Variants in DENND4A observed in about 807,000 individuals in gnomAD.
DENND4A encodes C-myc promoter-binding protein.
A neutral mutation model predicts 199.3 loss-of-function variants in DENND4A; 70 were observed. The ratio of observed to expected loss-of-function variants is 0.35; its 90% CI spans 0.29 to 0.43. The LOEUF (loss-of-function observed/expected upper bound fraction) is 0.43. Ranked by LOEUF, DENND4A falls within the 20% of genes least tolerant of loss-of-function variation. DENND4A has a pLI of 1.00. For missense variants in DENND4A, 1,723 were observed against 2,255.8 expected, an observed-to-expected ratio of 0.76 and a Z score of 4.78; for synonymous variants, 686 against 766.9, an observed-to-expected ratio of 0.89 and a Z score of 1.74.
At chr15:65,706,032 C>T (rs947935757) in intron 15 of DENND4A, 59 bp downstream of exon 15, 9 of 1,426,476 alleles carry the variant, frequency 6.3e-6, no homozygotes, top group Admixed American at 5.2e-5. Context: ...TAGAAAGCTA[C>T]GTCACAGATG....
chr15:65,733,666 AAG>A (rs1296305488), intron 7 of DENND4A, among the ~76,000 whole-genome samples: 2 of 152,226 alleles, frequency 1.3e-5, no homozygotes, highest in Admixed American at 1.3e-4. Flanking sequence ...GGGGAAAAGC[AAG>A]AGAGATCAGA....
intron 15 of DENND4A, 190 bp downstream of exon 15, chr15:65,705,901 C>T: frequency 1.4e-6 from 1 of 730,176 alleles, no homozygotes; most frequent in Non-Finnish European, 1.7e-6. Flanking sequence ...CTATATTATG[C>T]AAAATTATAT....
chr15:65,756,009 T>A (rs1392141466), intron 3 of DENND4A, 131 bp downstream of exon 3: 15 of 801,118 alleles, frequency 1.9e-5, no homozygotes, highest in Non-Finnish European at 2.8e-5. Flanking sequence ...TACAGGTTTC[T>A]GAATACAAAC....
chr15:65,779,667 C>T (rs377110883), intron 1 of DENND4A, among the ~76,000 whole-genome samples: 4 of 151,364 alleles, frequency 2.6e-5, no homozygotes, highest in African/African-American at 9.7e-5. Context: ...CGTTTGTTTT[C>T]GAGAAAGAGT....
chr15:65,791,536 G>A (rs2077723105), intron 1 of DENND4A, among the ~76,000 whole-genome samples: 1 of 151,714 alleles, frequency 6.6e-6, no homozygotes, highest in South Asian at 2.1e-4. Flanking sequence ...CGTGCCCGCG[G>A]GCCGGGGAAG....
intron 12 of DENND4A, chr15:65,719,143 T>C (rs974117919): frequency 1.3e-5 from 2 of 151,826 alleles, no homozygotes; most frequent in African/African-American, 4.8e-5. Flanking sequence ...ATATAAAACA[T>C]ACATATTTTA....
At position 65,706,447 on chromosome 15, in the gene DENND4A, AACACACACACACACAC is replaced by A. The variant is rs77421887; in HGVS notation, c.1954-239_1954-224del. Among the ~76,000 whole-genome samples the A allele has an allele frequency of 3.9e-3, 510 of 130,322 alleles. 3 individuals carry two copies. The highest frequency in any genetic ancestry group is 5.4e-3 in the Non-Finnish European group (335 of 62,544). 85.5% of individuals were successfully genotyped at this position (130,322 alleles called of 152,430 possible). A position where few individuals can be genotyped will look rare whatever the true frequency, so the allele number is the denominator to read the frequency against. On this transcript the variant is annotated intron_variant, in intron 14 of 32. Coordinates refer to ENST00000443035, the MANE Select transcript of DENND4A (RefSeq NM_001320835.1). The stretch of plus-strand genomic sequence containing the variant: ...CTTTTGAATAAGAAAAGGGGAAAAT[AACACACACACACACAC>A]ACACACACACACACACACACACACA...
intron 1 of DENND4A, among the ~76,000 whole-genome samples, chr15:65,783,089 C>G (rs1197611640): frequency 6.6e-6 from 1 of 151,106 alleles, no homozygotes; most frequent in African/African-American, 2.4e-5. Flanking sequence ...TAATTTAGAT[C>G]AATTTATTAA....
At chr15:65,787,797 TGTGACCCAGG>T (rs1299635323) in intron 1 of DENND4A, among the ~76,000 whole-genome samples, 4 of 152,148 alleles carry the variant, frequency 2.6e-5, no homozygotes, top group African/African-American at 9.7e-5. Flanking sequence ...AAAAAAGCAT[TGTGACCCAGG>T]GTCTGAGGGC....
At chr15:65,731,781 T>C (rs2075968666) in intron 8 of DENND4A, 81 bp from the exon 9 acceptor site, 2 of 970,910 alleles carry the variant, frequency 2.1e-6, no homozygotes, top group East Asian at 5.4e-5. Context: ...ATATATAAAA[T>C]AATGATTATG....
intron 23 of DENND4A, chr15:65,680,862 C>T (rs1428043734): frequency 2.0e-5 from 3 of 152,096 alleles, no homozygotes; most frequent in Admixed American, 6.5e-5. Context: ...TTTAAAATAC[C>T]TTATTACTAA....
chr15:65,722,776 A>G (rs954637467), intron 12 of DENND4A, 72 bp downstream of exon 12: 16 of 1,187,406 alleles, frequency 1.3e-5, no homozygotes, highest in Non-Finnish European at 1.7e-5. Context: ...TTATTCTTTT[A>G]TAAGTAAGGC....
chr15:65,687,999 C>T (rs1039557724), intron 23 of DENND4A, among the ~76,000 whole-genome samples: 50 of 152,242 alleles, frequency 3.3e-4, no homozygotes, highest in African/African-American at 1.1e-3. Flanking sequence ...CAGAATCTCT[C>T]TTCAGTTCTT....
chr15:65,674,381 C>T (rs770178208), intron 24 of DENND4A, among the ~76,000 whole-genome samples: 5 of 152,106 alleles, frequency 3.3e-5, no homozygotes, highest in African/African-American at 9.7e-5. Context: ...GACATGGGCA[C>T]GAGAGAGGGT....
At chr15:65,775,929 T>C (rs566657018) in intron 1 of DENND4A, among the ~76,000 whole-genome samples, 2 of 152,314 alleles carry the variant, frequency 1.3e-5, no homozygotes, top group East Asian at 1.9e-4. Context: ...ATGCCACCTT[T>C]GCAAATTCAG....
intron 24 of DENND4A, among the ~76,000 whole-genome samples, chr15:65,673,850 C>G (rs2076290175): frequency 6.6e-6 from 1 of 152,148 alleles, no homozygotes; most frequent in African/African-American, 2.4e-5. Flanking sequence ...TTTCTATTAG[C>G]CTTGAGTATC....
At chr15:65,667,765 T>C (rs1321891766) in intron 28 of DENND4A, 62 bp from the exon 29 acceptor site, 1 of 1,541,010 alleles carries the variant, frequency 6.5e-7, no homozygotes, top group Non-Finnish European at 8.7e-7. Context: ...ATTAAAAAAT[T>C]CAATGATTCC....
At chr15:65,744,904 T>A (rs968985470) in intron 4 of DENND4A, among the ~76,000 whole-genome samples, 1 of 152,286 alleles carries the variant, frequency 6.6e-6, no homozygotes, top group African/African-American at 2.4e-5. Context: ...TACTTAAAGG[T>A]AACGACTAAA....
chr15:65,676,899 T>C (rs2141942415), intron 23 of DENND4A, among the ~76,000 whole-genome samples: 1 of 152,344 alleles, frequency 6.6e-6, no homozygotes, highest in East Asian at 1.9e-4. Flanking sequence ...TGACTTTTAA[T>C]TTCCATTTAT....
Sources: allele counts gnomAD v4.1 joint callset (sites outside exome capture counted in the v4.1 genomes callset), GRCh38; gene constraint gnomAD v4.1.1; transcripts MANE v1.5; gene names NCBI Gene and HGNC (gene_info 2026-07-23, HGNC 2026-07-21).